ATG10: variants seen among roughly 807,000 people sequenced by gnomAD.
The protein encoded by ATG10 is ubiquitin-like-conjugating enzyme ATG10.
A neutral mutation model predicts 32.1 loss-of-function variants in ATG10; 30 were observed. That is an observed-to-expected ratio of 0.94 (90% confidence interval 0.70 to 1.27). The LOEUF is 1.27. Among genes scored for constraint, ATG10 ranks in the 50% most tolerant of loss-of-function variants. The probability of loss-of-function intolerance (pLI) is 0.00; values close to 1 mark genes in which losing one functional copy is unlikely to be tolerated. For synonymous variants in ATG10, 87 were observed against 91.5 expected (o/e 0.95, Z 0.28); for missense variants, 233 against 262.3 (o/e 0.89, Z 0.77).
At chr5:82,154,982 C>T (rs1767750242) in intron 3 of ATG10, among the ~76,000 whole-genome samples, 1 of 152,226 alleles carries the variant, frequency 6.6e-6, no homozygotes, top group African/African-American at 2.4e-5. Flanking sequence ...TTAGGATTCA[C>T]AGTCCTCTAA....
chr5:82,051,721 G>A (rs1763432546), intron 2 of ATG10, among the ~76,000 whole-genome samples: 1 of 152,080 alleles, frequency 6.6e-6, no homozygotes, highest in African/African-American at 2.4e-5. Context: ...GGATATTTGG[G>A]GTATGGGGAG....
chr5:82,001,892 CAA>C, intron 2 of ATG10, among the ~76,000 whole-genome samples: 1 of 152,118 alleles, frequency 6.6e-6, no homozygotes, highest in Non-Finnish European at 1.5e-5. Context: ...ATGCATCTGA[CAA>C]AGGTCTAATA....
At chr5:82,049,921 T>C (rs1286719723) in intron 2 of ATG10, among the ~76,000 whole-genome samples, 1 of 152,174 alleles carries the variant, frequency 6.6e-6, no homozygotes, top group Non-Finnish European at 1.5e-5. Flanking sequence ...GGATTGGGTT[T>C]TTATTTTATT....
rs1437204770 is a variant in ATG10, at chr5:82,255,318, A to G, written c.*1255A>G. The G allele has an allele frequency of 2.0e-5, 3 of 152,226 alleles. No homozygotes were observed. The highest frequency in any genetic ancestry group is 4.4e-5 in the Non-Finnish European group (3 of 68,036). The allele number at this position is 152,226 out of a possible 1,614,324, so 9.4% of individuals were successfully genotyped here. A position where few individuals can be genotyped will look rare whatever the true frequency, so the allele number is the denominator to read the frequency against. Reference sequence around the variant, plus strand: ...TTCATTAAATGCTCACCTTTCTTGTATATAATTGGTATTCACTAAGGCTGT... The same window carrying G: ...TTCATTAAATGCTCACCTTTCTTGTGTATAATTGGTATTCACTAAGGCTGT... On this transcript the variant is annotated 3_prime_UTR_variant, in exon 8 of 8. Coordinates refer to ENST00000282185, the MANE Select transcript of ATG10 (RefSeq NM_031482.5).
intron 2 of ATG10, among the ~76,000 whole-genome samples, chr5:82,053,689 A>G (rs1763498397): frequency 6.6e-6 from 1 of 152,168 alleles, no homozygotes; most frequent in Non-Finnish European, 1.5e-5. Flanking sequence ...TGTTTGGGTT[A>G]TAACAGCTGG....
intron 3 of ATG10, among the ~76,000 whole-genome samples, chr5:82,085,883 A>G (rs188557152): frequency 5.3e-5 from 8 of 152,286 alleles, no homozygotes; most frequent in Admixed American, 5.2e-4. Context: ...AAATACATTT[A>G]AAAGTCAAGT....
At chr5:82,062,482 TC>T (rs1313489816) in intron 3 of ATG10, among the ~76,000 whole-genome samples, 3 of 152,198 alleles carry the variant, frequency 2.0e-5, no homozygotes, top group Non-Finnish European at 4.4e-5. Flanking sequence ...ACTTCAGTGT[TC>T]TCATTCAAAC....
chr5:82,130,392 TA>T (rs1158046151), intron 3 of ATG10, among the ~76,000 whole-genome samples: 2 of 150,654 alleles, frequency 1.3e-5, no homozygotes, highest in Non-Finnish European at 3.0e-5. Context: ...ACTTGGGTAT[TA>T]AAAAAAAAGC....
Position 82,133,088 on chromosome 5 carries a change from T to C in ATG10, c.217-31311T>C, listed in dbSNP as rs144364529. Among the ~76,000 whole-genome samples the C allele has an allele frequency of 2.6e-5, 4 of 152,276 alleles. No homozygotes were observed. The East Asian group carries it at 7.7e-4, about 29-fold the overall frequency. On this transcript the variant is annotated intron_variant, in intron 3 of 7. Transcript: ENST00000282185. ...CTTCACCCACTTTTTGATGGGATTG[T>C]TTCTTTCTTGTAAATTTGTTTAAGT...
In ATG10 at chr5:82,176,245, A is replaced by T. The variant is rs139788953; in HGVS notation, c.356-2245A>T. 1.1e-4 allele frequency among the ~76,000 whole-genome samples: 17 copies of T among 152,292 alleles called. 1 individual carries two copies. The East Asian group carries it at 3.3e-3, about 29-fold the overall frequency. ...CAGTAAATATTTGTAAAGCATTTGC[A>T]GTGCCTCTGCCCTCAGAGGCAGCGT... On this transcript the variant is annotated intron_variant, in intron 4 of 7. Coordinates refer to ENST00000282185, the MANE Select transcript of ATG10 (RefSeq NM_031482.5).
At chr5:82,022,577 C>T (rs1561259292) in intron 2 of ATG10, among the ~76,000 whole-genome samples, 1 of 150,636 alleles carries the variant, frequency 6.6e-6, no homozygotes, top group African/African-American at 2.4e-5. Flanking sequence ...CCTGCCTCAG[C>T]ATCCCAAAGT....
At chr5:82,214,476 T>A (rs1745601793) in intron 5 of ATG10, among the ~76,000 whole-genome samples, 1 of 152,232 alleles carries the variant, frequency 6.6e-6, no homozygotes, top group African/African-American at 2.4e-5. Context: ...GCAACAATTA[T>A]AATTGGTTTC....
chr5:82,157,549 GAAAC>G (rs1211522027), intron 3 of ATG10, among the ~76,000 whole-genome samples: 2 of 152,108 alleles, frequency 1.3e-5, no homozygotes, highest in South Asian at 2.1e-4. Flanking sequence ...AATGAGCCTT[GAAAC>G]AAACAAAACA....
At chr5:82,014,500 A>G (rs961695819) in intron 2 of ATG10, among the ~76,000 whole-genome samples, 1 of 152,152 alleles carries the variant, frequency 6.6e-6, no homozygotes, top group African/African-American at 2.4e-5. Flanking sequence ...TTGCTTTATG[A>G]ATCTGGGTGC....
At chr5:82,099,268 T>C (rs183335515) in intron 3 of ATG10, among the ~76,000 whole-genome samples, 1 of 152,140 alleles carries the variant, frequency 6.6e-6, no homozygotes, top group Non-Finnish European at 1.5e-5. Flanking sequence ...AGTACATCGA[T>C]TGGATAAAAG....
At chr5:82,020,034 A>G (rs1050694391) in intron 2 of ATG10, among the ~76,000 whole-genome samples, 1 of 152,350 alleles carries the variant, frequency 6.6e-6, no homozygotes, top group Middle Eastern at 3.4e-3. Flanking sequence ...GCGCCCATGC[A>G]GTCACCCCAT....
chr5:81,976,987 C>T (rs2149651334), intron 1 of ATG10, among the ~76,000 whole-genome samples: 1 of 152,172 alleles, frequency 6.6e-6, no homozygotes, highest in Non-Finnish European at 1.5e-5. Context: ...GCTATCCTCC[C>T]ACCTCAGCCT....
At chr5:82,035,084 G>C (rs1261825976) in intron 2 of ATG10, among the ~76,000 whole-genome samples, 1 of 151,888 alleles carries the variant, frequency 6.6e-6, no homozygotes, top group Non-Finnish European at 1.5e-5. Flanking sequence ...ACCAATTTTT[G>C]CATTTTTAGT....
chr5:82,074,040 C>T (rs923540067), intron 3 of ATG10, among the ~76,000 whole-genome samples: 1 of 152,154 alleles, frequency 6.6e-6, no homozygotes, highest in Non-Finnish European at 1.5e-5. Flanking sequence ...TATGTGTTGA[C>T]ACTGAAATGC....
Sources: gnomAD v4.1 joint callset for allele counts (sites outside exome capture counted in the v4.1 genomes callset) on GRCh38, gnomAD v4.1.1 for gene constraint, MANE v1.5 for transcripts, NCBI Gene and HGNC (gene_info 2026-07-23, HGNC 2026-07-21) for gene names.